Variants in ZNF383 observed in about 807,000 individuals in gnomAD.
The protein encoded by ZNF383 is zinc finger protein 383.
ZNF383 carries 32 observed loss-of-function variants against 44.2 expected under a neutral mutation model. The observed-to-expected ratio is 0.72, with a 90% CI of 0.55 to 0.97. ZNF383 has a LOEUF of 0.97. Ranked by LOEUF, ZNF383 falls within the 50% of genes least tolerant of loss-of-function variation. ZNF383 has a pLI of 0.00. For missense variants in ZNF383, 487 were observed against 562.5 expected, an observed-to-expected ratio of 0.87 and a Z score of 1.36; for synonymous variants, 155 against 186.2, an observed-to-expected ratio of 0.83 and a Z score of 1.36.
chr19:37,230,328 G>T, intron 2 of ZNF383, 81 bp from the exon 3 acceptor site: 1 of 901,048 alleles, frequency 1.1e-6, no homozygotes, highest in East Asian at 2.4e-5. Context: ...ATATGGAGGT[G>T]GTTTTATCTG....
chr19:37,218,810 C>T (rs1049102026), intron 1 of ZNF383, among the ~76,000 whole-genome samples: 18 of 151,904 alleles, frequency 1.2e-4, no homozygotes, highest in African/African-American at 3.9e-4. Context: ...GTAATCGTGC[C>T]GGGGTGATAT....
chr19:37,238,258 T>C (rs999527203), intron 5 of ZNF383, among the ~76,000 whole-genome samples: 1 of 151,924 alleles, frequency 6.6e-6, no homozygotes, highest in African/African-American at 2.4e-5. Flanking sequence ...CAAGTATATA[T>C]GTATAAAACA....
intron 5 of ZNF383, 123 bp from the exon 6 acceptor site, chr19:37,242,346 T>G: frequency 3.2e-6 from 2 of 616,226 alleles, no homozygotes; most frequent in East Asian, 2.8e-5. Context: ...CAGATATCCT[T>G]GTGAACCCTG....
At position 37,227,264 on chromosome 19, in the gene ZNF383, A is replaced by G. The variant is rs373824113; in HGVS notation, c.-46+2325A>G. ...CTAGTAGCTGGGATTACAGGCATGTACCACCACGCCCGGCTAATTTTGTAT... is the reference window on the plus strand; with the variant it reads ...CTAGTAGCTGGGATTACAGGCATGTGCCACCACGCCCGGCTAATTTTGTAT... On this transcript the variant is annotated intron_variant, in intron 2 of 5. Coordinates refer to ENST00000684119, the MANE Select transcript of ZNF383 (RefSeq NM_001387601.1). 4.0e-5 allele frequency among the ~76,000 whole-genome samples: 6 copies of G among 151,738 alleles called. No individual in the cohort carries two copies. In the East Asian group the frequency reaches 7.8e-4, roughly 20 times the overall value.
rs1165528478 is a variant in ZNF383, at chr19:37,242,787, A to G, written c.551A>G (p.Gln184Arg). 6.2e-7 allele frequency: 1 copy of G among 1,614,160 alleles called. No homozygotes were observed. The highest frequency in any genetic ancestry group is 1.7e-5 in the Admixed American group (1 of 60,008). The change falls in exon 6 of 6, where the codon CAA (glutamine) becomes CGA (arginine). Residue 184 changes from glutamine (Q) to arginine (R), a missense_variant. Coordinates refer to ENST00000684119, the MANE Select transcript of ZNF383 (RefSeq NM_001387601.1). ...KCGKAFSQNS[Q>R]FIQHQRIHIG... Reference sequence around the variant, plus strand: ...GGAAAGGCCTTTAGTCAGAACTCACAATTTATTCAACATCAGAGAATTCAT... The same window carrying G: ...GGAAAGGCCTTTAGTCAGAACTCACGATTTATTCAACATCAGAGAATTCAT...
intron 5 of ZNF383, 98 bp from the exon 6 acceptor site, chr19:37,242,371 T>A: frequency 1.4e-6 from 1 of 733,692 alleles, no homozygotes. Flanking sequence ...ATTTACCTAG[T>A]AGATACTATT....
At position 37,236,001 on chromosome 19, in the gene ZNF383, A is replaced by G; in HGVS notation, c.159A>G (p.Gln53=). Residue 53 remains glutamine, a synonymous_variant, in exon 5 of 6, where the codon CAA becomes CAG. Coordinates refer to ENST00000684119, the MANE Select transcript of ZNF383 (RefSeq NM_001387601.1). ...VSMGLYTPKP[Q]VISLLEQGKE... is the part of the protein sequence containing the mutation. ...CAGGACTTTACACTCCTAAGCCTCA[A>G]GTGATCTCCTTATTGGAACAAGGGA... The G allele has an allele frequency of 6.2e-7, 1 of 1,613,700 alleles. No homozygotes were observed. Among genetic ancestry groups the G allele is most frequent in the East Asian group, 2.2e-5 (1 of 44,840 alleles).
rs767703046 is a variant in ZNF383 at position 37,243,635 on chromosome 19, C to T, written c.1399C>T (p.Arg467Cys). The part of the protein sequence containing the change: ...KAFSSGSDLI[R>C]HQGIHTNK The stretch of plus-strand genomic sequence containing the variant: ...TTTTAGTAGTGGCTCGGATCTCATT[C>T]GTCATCAGGGAATTCATACTAATAA... The change falls in exon 6 of 6, where the codon CGT becomes TGT. Residue 467 changes from arginine (R) to cysteine (C), a missense_variant. Arg to Cys is a radical substitution (Grantham distance 180). Transcript: ENST00000684119. 13 of 1,565,140 alleles carry T rather than the reference C, an allele frequency of 8.3e-6. No homozygotes were observed. Among genetic ancestry groups the T allele is most frequent in the East Asian group, 4.5e-5 (2 of 44,338 alleles).
At chr19:37,236,356 T>A (rs939029141) in intron 5 of ZNF383, among the ~76,000 whole-genome samples, 2 of 152,108 alleles carry the variant, frequency 1.3e-5, no homozygotes, top group African/African-American at 4.8e-5. Context: ...GTATTTTAGA[T>A]TCAGCTGCTT....
At position 37,235,531 on chromosome 19, in the gene ZNF383, G is replaced by A. The variant is rs320880; in HGVS notation, c.10-18G>A. ...ATTTTTTTAATTACACAAGTAATAC[G>A]TATGTTTATTGTTTCAGGGATCAGT... On this transcript the variant is annotated intron_variant, in intron 3 of 5. Transcript: ENST00000684119. The A allele has an allele frequency of 0.18, 284,979 of 1,611,910 alleles. 26,252 individuals carry two copies. Among genetic ancestry groups the A allele is most frequent in the East Asian group, 0.25 (11,311 of 44,828 alleles).
At position 37,245,488 on chromosome 19, in the gene ZNF383, T is replaced by G. The variant is rs1046874587; in HGVS notation, c.*1824T>G. On this transcript the variant is annotated 3_prime_UTR_variant, in exon 6 of 6. Transcript: ENST00000684119. ...ATTTTTTGTTTGTTTGTTTTTTTTTTTTTTTGAGATGGAGTTCACTCTGTT... is the reference window on the plus strand; with the variant it reads ...ATTTTTTGTTTGTTTGTTTTTTTTTGTTTTTGAGATGGAGTTCACTCTGTT... 1.5e-5 allele frequency: 2 copies of G among 135,156 alleles called. No individual in the cohort carries two copies. Among genetic ancestry groups the G allele is most frequent in the African/African-American group, 6.4e-5 (2 of 31,046 alleles). 8.4% of individuals were successfully genotyped at this position (135,156 alleles called of 1,614,324 possible).
Position 37,235,567 on chromosome 19 carries a change from G to A in ZNF383, c.28G>A (p.Asp10Asn). Residue 10 changes from aspartate (D) to asparagine (N), a missense_variant, in exon 4 of 6, where the codon GAT (aspartate) becomes AAT (asparagine). Coordinates refer to ENST00000684119, the MANE Select transcript of ZNF383 (RefSeq NM_001387601.1). MAEGSVMFS[D>N]VSIDFSQEEW... ...GTTTCAGGGATCAGTGATGTTCAGT[G>A]ATGTGTCCATAGACTTCTCTCAGGA... The A allele has an allele frequency of 6.2e-7, 1 of 1,614,082 alleles. No homozygotes were observed. Among genetic ancestry groups the A allele is most frequent in the Non-Finnish European group, 8.5e-7 (1 of 1,179,986 alleles).
In ZNF383 at chr19:37,230,578, C is replaced by A. The variant is rs1599789998; in HGVS notation, c.9+116C>A. On this transcript the variant is annotated intron_variant, in intron 3 of 5. Coordinates refer to ENST00000684119, the MANE Select transcript of ZNF383 (RefSeq NM_001387601.1). ...GGCTAACAGAGTTCCCCTTCAGAAT[C>A]CTTGTCCCCATTTTTTCTTAGCTAG... is the stretch of plus-strand genomic sequence containing the variant. 3.5e-6 allele frequency: 4 copies of A among 1,135,984 alleles called. No individual in the cohort carries two copies. The Admixed American group carries it at 8.3e-5, about 24-fold the overall frequency. 70.4% of individuals were successfully genotyped at this position (1,135,984 alleles called of 1,614,324 possible).
chr19:37,230,541 C>G (rs1973439461), intron 3 of ZNF383, 79 bp downstream of exon 3: 2 of 1,519,346 alleles, frequency 1.3e-6, no homozygotes, highest in African/African-American at 1.4e-5. Context: ...CTTTCCTTAT[C>G]CTGACATTTC....
At chr19:37,241,886 A>G (rs529827755) in intron 5 of ZNF383, among the ~76,000 whole-genome samples, 52 of 150,848 alleles carry the variant, frequency 3.4e-4, no homozygotes, top group Non-Finnish European at 5.6e-4. Flanking sequence ...CACATATTGT[A>G]TGATATACTT....
intron 3 of ZNF383, among the ~76,000 whole-genome samples, chr19:37,232,592 A>G (rs1012587892): frequency 9.2e-5 from 14 of 152,184 alleles, no homozygotes; most frequent in Admixed American, 9.2e-4. Flanking sequence ...TTTTAGATTC[A>G]TTCACTAGGG....
intron 4 of ZNF383, 93 bp downstream of exon 4, chr19:37,235,768 T>A (rs550497760): frequency 1.0e-5 from 15 of 1,447,340 alleles, no homozygotes; most frequent in Admixed American, 2.3e-5. Flanking sequence ...GGTTACTAGC[T>A]GAATTTCTAT....
At chr19:37,220,542 G>A (rs897675644) in intron 1 of ZNF383, among the ~76,000 whole-genome samples, 13 of 150,862 alleles carry the variant, frequency 8.6e-5, no homozygotes, top group African/African-American at 3.2e-4. Flanking sequence ...GTGAGCCACT[G>A]CTCCTGGCCT....
chr19:37,238,684 T>G (rs889249837), intron 5 of ZNF383, among the ~76,000 whole-genome samples: 1 of 152,176 alleles, frequency 6.6e-6, no homozygotes, highest in African/African-American at 2.4e-5. Context: ...AGCAGGCTTA[T>G]GAGTGTTTGC....
Sources: allele counts gnomAD v4.1 joint callset (sites outside exome capture counted in the v4.1 genomes callset), GRCh38; gene constraint gnomAD v4.1.1; transcripts MANE v1.5; gene names NCBI Gene and HGNC (gene_info 2026-07-23, HGNC 2026-07-21).